The following USH2A variants were observed in gnomAD, a reference collection of about 807,000 sequenced individuals.
The protein encoded by USH2A is Usher syndrome 2A (autosomal recessive, mild).
USH2A carries 443 observed loss-of-function variants against 538.9 expected under a neutral mutation model. The ratio of observed to expected loss-of-function variants is 0.82; its 90% CI spans 0.76 to 0.89. The LOEUF (loss-of-function observed/expected upper bound fraction) is 0.89. Among genes scored for constraint, USH2A ranks in the 40% least tolerant of loss-of-function variants. The pLI is 0.00. For missense variants in USH2A, 6,633 were observed against 6,324.8 expected (o/e 1.05, Z -1.65); for synonymous variants, 2,413 against 2,273.5 (o/e 1.06, Z -1.75).
intron 41 of USH2A, among the ~76,000 whole-genome samples, chr1:215,881,309 T>A (rs1664902299): frequency 6.6e-6 from 1 of 152,042 alleles, no homozygotes; most frequent in Admixed American, 6.6e-5. Context: ...CCCGGCTAAT[T>A]TTTGTAGTTT....
In USH2A at chr1:216,252,248, T is replaced by C. The variant is rs182821471; in HGVS notation, c.1972-1150A>G. ...ATGTATATAAAATGTCAAATAAATA[T>C]GAGAAATTTAATAACTCAGGACTCT... is the stretch of plus-strand genomic sequence containing the variant. On this transcript the variant is annotated intron_variant, in intron 11 of 71. Transcript: ENST00000307340. Among the ~76,000 whole-genome samples, 4 of 152,294 alleles carry C rather than the reference T, an allele frequency of 2.6e-5. No homozygotes were observed. In the East Asian group the frequency reaches 7.7e-4, roughly 29 times the overall value.
intron 70 of USH2A, chr1:215,630,394 C>T (rs1245275795): frequency 2.5e-6 from 1 of 398,702 alleles, no homozygotes; most frequent in African/African-American, 2.1e-5. Context: ...GGATACATAC[C>T]TGCATATGTA....
chr1:216,231,252 TATATATAATATATATATATAATATA>T, intron 14 of USH2A, among the ~76,000 whole-genome samples: 1 of 98,918 alleles, frequency 1.0e-5, no homozygotes, highest in East Asian at 2.8e-4. Context: ...ATATATATTA[TATATATAATATATATATATAATATA>T]TATACACAGA....
intron 3 of USH2A, among the ~76,000 whole-genome samples, chr1:216,394,917 A>G (rs1414209174): frequency 6.6e-6 from 1 of 151,660 alleles, no homozygotes; most frequent in African/African-American, 2.4e-5. Flanking sequence ...ACGGGTTTTC[A>G]CCGTGTTAGC....
At chr1:215,849,985 A>ATTT (rs66884662) in intron 44 of USH2A, among the ~76,000 whole-genome samples, 65 of 151,790 alleles carry the variant, frequency 4.3e-4, no homozygotes, top group Middle Eastern at 3.8e-3. Context: ...TAATTAATTG[A>ATTT]TCTTTTTAAG....
intron 37 of USH2A, among the ~76,000 whole-genome samples, chr1:215,935,250 G>A (rs1384528958): frequency 1.3e-5 from 2 of 151,974 alleles, no homozygotes; most frequent in South Asian, 2.1e-4. Context: ...CTGGATATAC[G>A]TATTATACTC....
chr1:215,932,520 G>T (rs1220385328), intron 38 of USH2A, among the ~76,000 whole-genome samples: 1 of 151,970 alleles, frequency 6.6e-6, no homozygotes, highest in Non-Finnish European at 1.5e-5. Flanking sequence ...CCTTTAAACT[G>T]CCACAAGGTC....
chr1:215,929,409 T>C (rs879528928), intron 38 of USH2A, among the ~76,000 whole-genome samples: 1 of 152,036 alleles, frequency 6.6e-6, no homozygotes, highest in African/African-American at 2.4e-5. Context: ...CATCATCTAA[T>C]ATGCATCACA....
chr1:216,180,777 A>G (rs1400073966), intron 20 of USH2A, among the ~76,000 whole-genome samples: 1 of 152,160 alleles, frequency 6.6e-6, no homozygotes, highest in African/African-American at 2.4e-5. Context: ...CATTCTTAAT[A>G]AGCACCCTGT....
chr1:216,088,963 C>T, intron 23 of USH2A, 50 bp downstream of exon 23: 1 of 1,609,286 alleles, frequency 6.2e-7, no homozygotes, highest in South Asian at 1.1e-5. Context: ...AAAAGTATGG[C>T]AACACCAACA....
chr1:215,922,531 C>T (rs940595088), intron 38 of USH2A, among the ~76,000 whole-genome samples: 11 of 151,622 alleles, frequency 7.3e-5, no homozygotes, highest in African/African-American at 2.7e-4. Flanking sequence ...GGAATAAAGT[C>T]ATAGACAAGA....
At chr1:215,954,720 TA>T (rs370055206) in intron 37 of USH2A, among the ~76,000 whole-genome samples, 5,596 of 150,556 alleles carry the variant, frequency 0.037, 158 homozygotes, top group South Asian at 0.085. Flanking sequence ...ATAATAATAA[TA>T]AAAAAAAACA....
chr1:215,743,416 G>GTGTGTGTA lies in USH2A; in HGVS notation c.11390-82_11390-81insTACACACA, dbSNP rs1491186893. The GTGTGTGTA allele has an allele frequency of 2.7e-3, 649 of 238,452 alleles. 22 individuals are homozygous for GTGTGTGTA. Among genetic ancestry groups the GTGTGTGTA allele is most frequent in the Middle Eastern group, 0.011 (9 of 798 alleles). The allele number at this position is 238,452 out of a possible 1,614,324, so 14.8% of individuals were successfully genotyped here. A position where few individuals can be genotyped will look rare whatever the true frequency, so the allele number is the denominator to read the frequency against. ...TGTGTGTGTGTGTGTGTGTGTGTGT[G>GTGTGTGTA]TATATATATATAGACACACATATAT... On this transcript the variant is annotated intron_variant, in intron 58 of 71. Coordinates refer to ENST00000307340, the MANE Select transcript of USH2A (RefSeq NM_206933.4).
At chr1:215,791,893 TAC>T (rs745488983) in intron 50 of USH2A, among the ~76,000 whole-genome samples, 29 of 152,154 alleles carry the variant, frequency 1.9e-4, no homozygotes, top group Non-Finnish European at 3.5e-4. Context: ...TACATGAGTG[TAC>T]ACACACACAT....
chr1:216,195,369 GAAAGA>G (rs1384586587), intron 19 of USH2A, among the ~76,000 whole-genome samples: 3 of 152,116 alleles, frequency 2.0e-5, no homozygotes, highest in African/African-American at 7.2e-5. Flanking sequence ...CTTAAGAGCT[GAAAGA>G]ATGTGGAAAA....
intron 35 of USH2A, among the ~76,000 whole-genome samples, chr1:215,987,291 C>A (rs41445044): frequency 6.6e-6 from 1 of 152,012 alleles, no homozygotes; most frequent in Non-Finnish European, 1.5e-5. Flanking sequence ...CTACACAATA[C>A]AGGTCACAAA....
chr1:216,240,777 C>T (rs2035922790), intron 13 of USH2A, among the ~76,000 whole-genome samples: 1 of 151,820 alleles, frequency 6.6e-6, no homozygotes, highest in Non-Finnish European at 1.5e-5. Flanking sequence ...ACAAATAAAC[C>T]AAGAAGAGAG....
rs760093687 is a variant in USH2A at position 215,650,619 on chromosome 1, G to A, written c.14316C>T (p.Ser4772=). Residue 4772 remains serine, a synonymous_variant, in exon 65 of 72, where the codon TCC becomes TCT. Transcript: ENST00000307340. ...CTGTCTCAGCCCCATGGGCGCTGCT[G>A]GAGAACAGCCTGTAGAGACTGACGA... is the stretch of plus-strand genomic sequence containing the variant. The part of the protein sequence containing the change: ...NGIVSLYRLF[S]SSAHGAETVL... 2.2e-5 allele frequency: 35 copies of A among 1,614,044 alleles called. No individual in the cohort carries two copies. Among genetic ancestry groups the A allele is most frequent in the Non-Finnish European group, 2.9e-5 (34 of 1,180,044 alleles).
intron 21 of USH2A, among the ~76,000 whole-genome samples, chr1:216,160,571 A>C (rs895600599): frequency 6.6e-6 from 1 of 151,626 alleles, no homozygotes; most frequent in Non-Finnish European, 1.5e-5. Context: ...CAGGGGTTCA[A>C]GACCAGCCTG....
Sources: allele counts gnomAD v4.1 joint callset (sites outside exome capture counted in the v4.1 genomes callset), GRCh38; gene constraint gnomAD v4.1.1; transcripts MANE v1.5; gene names NCBI Gene and HGNC (gene_info 2026-07-23, HGNC 2026-07-21).